BAIAP2: variants seen among roughly 807,000 people sequenced by gnomAD.
BAIAP2 encodes the protein BAR/IMD domain containing adaptor protein 2.
Under a neutral mutation model 63.0 loss-of-function variants are expected in BAIAP2, and 18 were observed. That is an observed-to-expected ratio of 0.29 (90% CI 0.20 to 0.42). The LOEUF is 0.42. BAIAP2 is among the 10% of genes least tolerant of loss of function. BAIAP2 has a pLI of 1.00. For missense variants in BAIAP2, 610 were observed against 734.3 expected (o/e 0.83, Z 1.96); for synonymous variants, 386 against 307.6 (o/e 1.25, Z -2.67).
intron 3 of BAIAP2, among the ~76,000 whole-genome samples, chr17:81,084,405 G>A (rs955646588): frequency 2.0e-5 from 3 of 152,180 alleles, no homozygotes; most frequent in Non-Finnish European, 4.4e-5. Context: ...AGGTTTGTGC[G>A]CTGTGGTGTG....
intron 12 of BAIAP2, chr17:81,108,123 G>C: frequency 2.6e-6 from 1 of 377,602 alleles, no homozygotes; most frequent in Non-Finnish European, 4.8e-6. Context: ...CCAGGCATGG[G>C]TGAGGTGCTG....
At chr17:81,113,046 C>T (rs906987174) in intron 13 of BAIAP2, among the ~76,000 whole-genome samples, 1 of 152,142 alleles carries the variant, frequency 6.6e-6, no homozygotes, top group Non-Finnish European at 1.5e-5. Context: ...CAGAGCAAGA[C>T]CCTGTCTCAA....
chr17:81,036,748 A>G (rs1269187238), intron 1 of BAIAP2: 8 of 878,448 alleles, frequency 9.1e-6, no homozygotes, highest in Non-Finnish European at 1.4e-5. Flanking sequence ...GGTTTCACAG[A>G]GTCTGTGGCA....
At chr17:81,107,047 A>G (rs1339656887) in intron 12 of BAIAP2, 140 bp downstream of exon 12, 5 of 1,061,414 alleles carry the variant, frequency 4.7e-6, no homozygotes, top group Admixed American at 3.1e-5. Flanking sequence ...TGAAGGCTGC[A>G]TGATTTGGGA....
At chr17:81,057,202 C>G (rs966726547) in intron 2 of BAIAP2, 2 of 152,422 alleles carry the variant, frequency 1.3e-5, no homozygotes, top group East Asian at 3.9e-4. Context: ...AGGAGTTTGC[C>G]AGGCACTCCC....
At chr17:81,104,412 G>A (rs2058880532) in intron 9 of BAIAP2, 102 bp from the exon 10 acceptor site, 2 of 1,302,040 alleles carry the variant, frequency 1.5e-6, no homozygotes, top group Non-Finnish European at 2.1e-6. Context: ...TTACCCACCT[G>A]GGGCACAGGC....
At chr17:81,048,563 G>T (rs1442815554) in intron 1 of BAIAP2, among the ~76,000 whole-genome samples, 1 of 152,108 alleles carries the variant, frequency 6.6e-6, no homozygotes. Context: ...GGCCAGGCCG[G>T]CCCGTAGCAC....
chr17:81,116,029 C>A lies in BAIAP2; in HGVS notation c.*190C>A, dbSNP rs1234519937. 1.4e-6 allele frequency: 2 copies of A among 1,458,966 alleles called. No homozygotes were observed. The highest frequency in any genetic ancestry group is 5.0e-5 in the East Asian group (2 of 40,258). The allele number at this position is 1,458,966 out of a possible 1,614,324, so 90.4% of individuals were successfully genotyped here. ...AGGGCCGGGCAGAGTGGGGCGCAGG[C>A]CCCTGAAGGGCGAGACCCAGTGGCT... On this transcript the variant is annotated 3_prime_UTR_variant, in exon 14 of 14. Coordinates refer to ENST00000428708, the MANE Select transcript of BAIAP2 (RefSeq NM_001144888.2).
intron 13 of BAIAP2, chr17:81,110,456 A>G (rs1228128802): frequency 6.0e-6 from 6 of 998,142 alleles, no homozygotes; most frequent in Non-Finnish European, 7.2e-6. Context: ...TTTTTAAAAA[A>G]TCTGAATTGT....
At position 81,100,070 on chromosome 17, in the gene BAIAP2, A is replaced by T; in HGVS notation, c.632A>T (p.Tyr211Phe). The change falls in exon 7 of 14, where the codon TAC becomes TTC. Residue 211 changes from tyrosine to phenylalanine, a missense_variant. By Grantham distance (22) the Tyr-to-Phe change is conservative. Transcript: ENST00000428708. The part of the protein sequence containing the change: ...QCAVAKNSAA[Y>F]HSKGKELLAQ... ...GCCGTGGCCAAGAACTCCGCGGCCT[A>T]CCACTCCAAGGTGAGGCGGCTGGGG... is the stretch of plus-strand genomic sequence containing the variant. The T allele has an allele frequency of 6.2e-7, 1 of 1,610,720 alleles. No homozygotes were observed. Among genetic ancestry groups the T allele is most frequent in the Non-Finnish European group, 8.5e-7 (1 of 1,179,302 alleles).
intron 1 of BAIAP2, among the ~76,000 whole-genome samples, chr17:81,039,595 C>T (rs931841807): frequency 6.6e-6 from 1 of 152,136 alleles, no homozygotes. Flanking sequence ...TGGTACTGCC[C>T]GAGTGGACCT....
At chr17:81,047,413 CTCTT>C (rs1024872291) in intron 1 of BAIAP2, among the ~76,000 whole-genome samples, 5 of 152,344 alleles carry the variant, frequency 3.3e-5, no homozygotes, top group East Asian at 1.9e-4. Context: ...CTAGCATCGA[CTCTT>C]TCTCTGTTTG....
At chr17:81,092,616 C>A (rs1159703521) in intron 6 of BAIAP2, among the ~76,000 whole-genome samples, 2 of 152,214 alleles carry the variant, frequency 1.3e-5, no homozygotes, top group Non-Finnish European at 2.9e-5. Flanking sequence ...TAGGTCAGGG[C>A]ACTGGGGCTA....
At chr17:81,048,397 G>A (rs936432170) in intron 1 of BAIAP2, among the ~76,000 whole-genome samples, 53 of 150,630 alleles carry the variant, frequency 3.5e-4, no homozygotes, top group African/African-American at 1.2e-3. Context: ...CTGAGCAGAC[G>A]GAAGGTGGAC....
intron 13 of BAIAP2, among the ~76,000 whole-genome samples, chr17:81,114,690 G>T (rs1205379805): frequency 6.6e-6 from 1 of 152,218 alleles, no homozygotes; most frequent in African/African-American, 2.4e-5. Flanking sequence ...AAGTCCTCAG[G>T]AAAGCTTAGG....
At chr17:81,071,487 G>A (rs2052650005) in intron 3 of BAIAP2, among the ~76,000 whole-genome samples, 1 of 152,232 alleles carries the variant, frequency 6.6e-6, no homozygotes, top group African/African-American at 2.4e-5. Context: ...GGAAGGTGAT[G>A]CATGCTCACA....
intron 13 of BAIAP2, chr17:81,109,831 C>T (rs972140938): frequency 1.0e-6 from 1 of 985,314 alleles, no homozygotes; most frequent in African/African-American, 1.7e-5. Context: ...ATTCCTTTGA[C>T]CAGCCTTGTG....
In BAIAP2 at chr17:81,104,654, A is replaced by G. The variant is rs2058906646; in HGVS notation, c.1207A>G (p.Thr403Ala). 1.2e-6 allele frequency: 2 copies of G among 1,607,756 alleles called. No individual in the cohort carries two copies. The highest frequency in any genetic ancestry group is 3.4e-5 in the Admixed American group (2 of 59,380). The change falls in exon 10 of 14, where the codon ACC (threonine) becomes GCC (alanine). Residue 403 changes from threonine (T) to alanine (A), a missense_variant. Physicochemically the swap from Thr to Ala is moderately conservative, Grantham distance 58. Transcript: ENST00000428708. ...LLSFKEGDLI[T>A]LLVPEARDGW... ...GAGCTTCAAGGAGGGTGACCTCATTACCCTGCTGGTGCCTGAGGCCCGCGA... is the reference window on the plus strand; with the variant it reads ...GAGCTTCAAGGAGGGTGACCTCATTGCCCTGCTGGTGCCTGAGGCCCGCGA...
At chr17:81,073,953 C>T (rs951355419) in intron 3 of BAIAP2, among the ~76,000 whole-genome samples, 2 of 152,170 alleles carry the variant, frequency 1.3e-5, no homozygotes, top group Admixed American at 1.3e-4. Context: ...GAGCAGTCTT[C>T]CAATAGGTGG....
Sources: gnomAD v4.1 joint callset for allele counts (sites outside exome capture counted in the v4.1 genomes callset) on GRCh38, gnomAD v4.1.1 for gene constraint, MANE v1.5 for transcripts, NCBI Gene and HGNC (gene_info 2026-07-23, HGNC 2026-07-21) for gene names.